TTC39C: variants seen among roughly 807,000 people sequenced by gnomAD.
The protein encoded by TTC39C is tetratricopeptide repeat protein 39C.
In TTC39C, 33 loss-of-function variants were observed where a neutral mutation model predicts 76.3. The ratio of observed to expected loss-of-function variants is 0.43; its 90% CI spans 0.33 to 0.58. The LOEUF (loss-of-function observed/expected upper bound fraction) is 0.58, where lower values mean the gene tolerates loss of function less well. Ranked by LOEUF, TTC39C falls within the 20% of genes least tolerant of loss-of-function variation. The pLI is 0.04. For synonymous variants in TTC39C, 254 were observed against 260.6 expected, an observed-to-expected ratio of 0.97 and a Z score of 0.24; for missense variants, 595 against 701.4, an observed-to-expected ratio of 0.85 and a Z score of 1.71.
chr18:24,006,588 G>C (rs1277083986), intron 1 of TTC39C: 1 of 143,294 alleles, frequency 7.0e-6, no homozygotes, highest in Admixed American at 7.0e-5. Flanking sequence ...GCGGGGGCGG[G>C]TGGGGGGGAG....
intron 6 of TTC39C, among the ~76,000 whole-genome samples, chr18:24,089,549 A>G (rs766705837): frequency 6.6e-6 from 1 of 152,178 alleles, no homozygotes; most frequent in Admixed American, 6.5e-5. Context: ...ATAAATCCAT[A>G]TTGTGTGGCT....
intron 1 of TTC39C, among the ~76,000 whole-genome samples, chr18:24,045,892 A>AAT (rs1212560698): frequency 1.4e-3 from 83 of 61,182 alleles, no homozygotes; most frequent in African/African-American, 4.0e-3. Context: ...CTTCTGTGAA[A>AAT]ATATATATAT....
intron 1 of TTC39C, among the ~76,000 whole-genome samples, chr18:24,026,341 A>T (rs950938650): frequency 1.3e-5 from 2 of 152,202 alleles, no homozygotes; most frequent in African/African-American, 4.8e-5. Flanking sequence ...AATTTAGTTA[A>T]ATAGCAAAGG....
At chr18:24,029,851 GAGT>G (rs2083646865) in intron 1 of TTC39C, among the ~76,000 whole-genome samples, 3 of 152,194 alleles carry the variant, frequency 2.0e-5, no homozygotes, top group South Asian at 2.1e-4. Context: ...TTTCATGGCT[GAGT>G]AGTAGTTCAT....
chr18:24,046,652 G>A (rs1313954860), intron 1 of TTC39C, among the ~76,000 whole-genome samples: 1 of 151,704 alleles, frequency 6.6e-6, no homozygotes, highest in Non-Finnish European at 1.5e-5. Flanking sequence ...AGTTATTCTT[G>A]TTTCTCAATA....
intron 6 of TTC39C, among the ~76,000 whole-genome samples, chr18:24,098,952 G>A (rs189133246): frequency 2.0e-5 from 3 of 150,762 alleles, no homozygotes; most frequent in Non-Finnish European, 3.0e-5. Context: ...TTTTTTAATC[G>A]AGTGTTTTTT....
At position 24,080,814 on chromosome 18, in the gene TTC39C, A is replaced by G; in HGVS notation, c.690A>G (p.Ile230Met). 1 of 1,614,102 alleles carries G rather than the reference A, an allele frequency of 6.2e-7. No individual in the cohort carries two copies. Among genetic ancestry groups the G allele is most frequent in the East Asian group, 2.2e-5 (1 of 44,872 alleles). ...SFGYGLFHLC[I>M]SMVPPNLLKI... The stretch of plus-strand genomic sequence containing the variant: ...GATATGGCCTTTTTCACCTTTGCAT[A>G]TCCATGGTGCCCCCAAACCTGCTCA... The change falls in exon 5 of 14, where the codon ATA becomes ATG. Residue 230 changes from isoleucine to methionine, a missense_variant. By Grantham distance (10) the Ile-to-Met change is conservative (BLOSUM62 1). Transcript: ENST00000317571.
chr18:24,017,183 C>T (rs1441289314), intron 1 of TTC39C, among the ~76,000 whole-genome samples: 2 of 152,118 alleles, frequency 1.3e-5, no homozygotes, highest in Non-Finnish European at 2.9e-5. Context: ...TCCTTGGCTC[C>T]ATCTGATTTG....
intron 3 of TTC39C, among the ~76,000 whole-genome samples, chr18:24,068,834 G>A (rs2084201960): frequency 1.3e-5 from 2 of 152,156 alleles, no homozygotes; most frequent in Admixed American, 1.3e-4. Context: ...TTTTATTCTG[G>A]ATAAGAAAGA....
intron 1 of TTC39C, among the ~76,000 whole-genome samples, chr18:24,037,128 T>C (rs1050263853): frequency 1.3e-5 from 2 of 152,202 alleles, no homozygotes; most frequent in Non-Finnish European, 2.9e-5. Flanking sequence ...GGAAAAGCTT[T>C]TGGTCTTTTA....
intron 1 of TTC39C, among the ~76,000 whole-genome samples, chr18:24,018,017 C>T (rs989786790): frequency 1.1e-4 from 16 of 152,124 alleles, no homozygotes; most frequent in African/African-American, 1.9e-4. Context: ...CTCTTGAATT[C>T]GTGGCAAGTC....
At chr18:24,121,683 C>T (rs190769187) in intron 8 of TTC39C, among the ~76,000 whole-genome samples, 11 of 152,200 alleles carry the variant, frequency 7.2e-5, no homozygotes, top group Non-Finnish European at 1.3e-4. Context: ...GTTCAGATAC[C>T]GTTGCTGTTT....
chr18:24,004,922 G>T (rs2083340938), intron 1 of TTC39C, among the ~76,000 whole-genome samples: 1 of 152,200 alleles, frequency 6.6e-6, no homozygotes, highest in Non-Finnish European at 1.5e-5. Flanking sequence ...TGAGGTTATT[G>T]CTAAAATGCA....
chr18:23,999,997 CA>C (rs1215432236), intron 1 of TTC39C, among the ~76,000 whole-genome samples: 3 of 152,148 alleles, frequency 2.0e-5, no homozygotes, highest in Non-Finnish European at 4.4e-5. Flanking sequence ...ATAGTGCAAG[CA>C]ATGAGAGCTG....
chr18:24,036,842 A>G (rs2083738562), intron 1 of TTC39C, among the ~76,000 whole-genome samples: 1 of 152,142 alleles, frequency 6.6e-6, no homozygotes, highest in Non-Finnish European at 1.5e-5. Context: ...CATGTTACCC[A>G]GGCTGGTTTC....
chr18:24,075,274 A>G (rs2084288777), intron 4 of TTC39C, among the ~76,000 whole-genome samples: 1 of 151,998 alleles, frequency 6.6e-6, no homozygotes, highest in African/African-American at 2.4e-5. Context: ...CATTGTGCAC[A>G]TGTACGCTAG....
intron 8 of TTC39C, among the ~76,000 whole-genome samples, chr18:24,122,175 G>T (rs1056442621): frequency 1.3e-5 from 2 of 152,076 alleles, no homozygotes; most frequent in African/African-American, 4.8e-5. Flanking sequence ...GCTTGACCAT[G>T]CCCAAATGCG....
At chr18:24,054,663 G>A (rs1395454807) in intron 1 of TTC39C, among the ~76,000 whole-genome samples, 1 of 152,140 alleles carries the variant, frequency 6.6e-6, no homozygotes, top group African/African-American at 2.4e-5. Flanking sequence ...TTTAGGTCAT[G>A]ATGATATTCC....
At chr18:24,064,117 G>A in intron 1 of TTC39C, 23 bp from the exon 2 acceptor site, 1 of 1,612,668 alleles carries the variant, frequency 6.2e-7, no homozygotes, top group Non-Finnish European at 8.5e-7. Context: ...TATTTTGTGT[G>A]TGTGTGTGTG....
Sources: gnomAD v4.1 joint callset for allele counts (sites outside exome capture counted in the v4.1 genomes callset) on GRCh38, gnomAD v4.1.1 for gene constraint, MANE v1.5 for transcripts, NCBI Gene and HGNC (gene_info 2026-07-23, HGNC 2026-07-21) for gene names.